Variants in RXYLT1 observed in about 807,000 individuals in gnomAD.
The protein encoded by RXYLT1 is ribitol-5-phosphate xylosyltransferase 1.
RXYLT1 carries 41 observed loss-of-function variants against 43.5 expected under a neutral mutation model. The observed-to-expected ratio is 0.94, with a 90% CI of 0.73 to 1.22. The LOEUF (loss-of-function observed/expected upper bound fraction) is 1.22, where lower values mean the gene tolerates loss of function less well. Among genes scored for constraint, RXYLT1 ranks in the 50% most tolerant of loss-of-function variants. The pLI is 0.00. For missense variants in RXYLT1, 514 were observed against 532.0 expected, an observed-to-expected ratio of 0.97 and a Z score of 0.33; for synonymous variants, 166 against 194.4, an observed-to-expected ratio of 0.85 and a Z score of 1.21.
chr12:63,793,124 G>T (rs1047015517), intron 3 of RXYLT1, among the ~76,000 whole-genome samples: 9 of 151,902 alleles, frequency 5.9e-5, no homozygotes, highest in African/African-American at 1.9e-4. Context: ...CTATGCTTTG[G>T]GTCTAGACTT....
intron 3 of RXYLT1, among the ~76,000 whole-genome samples, chr12:63,786,635 A>G (rs187222456): frequency 2.6e-5 from 4 of 152,176 alleles, no homozygotes; most frequent in Admixed American, 6.5e-5. Context: ...GTTGATGTCT[A>G]ATCAGTGTAT....
At chr12:63,802,044 G>T (rs758617528) in intron 3 of RXYLT1, 47 bp from the exon 4 acceptor site, 5 of 1,502,180 alleles carry the variant, frequency 3.3e-6, no homozygotes, top group Non-Finnish European at 3.6e-6. Flanking sequence ...ACATACCTTT[G>T]TTCAGGCTTT....
Position 63,781,186 on chromosome 12 carries a change from C to A in RXYLT1, c.325+12C>A, listed in dbSNP as rs1440661955. ...CAAAGCTGCCATTGGTAAGTTAATA[C>A]GTAGAAGGAAGACATGTAAAAAGCA... is the stretch of plus-strand genomic sequence containing the variant. On this transcript the variant is annotated intron_variant, in intron 2 of 5. Coordinates refer to ENST00000261234, the MANE Select transcript of RXYLT1 (RefSeq NM_014254.3). 6.7e-7 allele frequency: 1 copy of A among 1,482,792 alleles called. No individual in the cohort carries two copies. The highest frequency in any genetic ancestry group is 1.4e-5 in the African/African-American group (1 of 69,106). 91.9% of individuals were successfully genotyped at this position (1,482,792 alleles called of 1,614,324 possible).
intron 3 of RXYLT1, among the ~76,000 whole-genome samples, chr12:63,788,582 C>T (rs931243933): frequency 9.2e-5 from 14 of 152,208 alleles, no homozygotes; most frequent in Non-Finnish European, 4.4e-5. Context: ...CCTCTGGCAA[C>T]GTCAGACTTT....
At chr12:63,792,664 C>A (rs1385906674) in intron 3 of RXYLT1, among the ~76,000 whole-genome samples, 2 of 152,136 alleles carry the variant, frequency 1.3e-5, no homozygotes, top group Admixed American at 1.3e-4. Context: ...GAAGTGGTTG[C>A]TGTGTTCCAG....
At chr12:63,787,911 T>A (rs1897842305) in intron 3 of RXYLT1, among the ~76,000 whole-genome samples, 1 of 152,214 alleles carries the variant, frequency 6.6e-6, no homozygotes, top group Non-Finnish European at 1.5e-5. Flanking sequence ...ATTACGGGCG[T>A]GAGCCATCGT....
chr12:63,780,630 C>CTA, intron 1 of RXYLT1, among the ~76,000 whole-genome samples: 1 of 152,304 alleles, frequency 6.6e-6, no homozygotes. Context: ...ACGATAGTAT[C>CTA]TAAGACTGGT....
intron 5 of RXYLT1, chr12:63,807,498 C>T (rs1232291156): frequency 6.6e-6 from 1 of 152,206 alleles, no homozygotes; most frequent in African/African-American, 2.4e-5. Context: ...ACTCTAACAC[C>T]TCCGCCTTTC....
At chr12:63,796,968 T>TC (rs1167790988) in intron 3 of RXYLT1, among the ~76,000 whole-genome samples, 14 of 147,032 alleles carry the variant, frequency 9.5e-5, no homozygotes, top group South Asian at 2.1e-4. Context: ...TTTTTCTTTT[T>TC]TTTTTTTTTT....
chr12:63,801,275 T>TA (rs1462762978), intron 3 of RXYLT1, among the ~76,000 whole-genome samples: 27 of 152,324 alleles, frequency 1.8e-4, no homozygotes, highest in African/African-American at 6.0e-4. Context: ...ATTTTTGAGA[T>TA]ATAACATTCA....
At chr12:63,783,385 C>T (rs1238102445) in intron 2 of RXYLT1, among the ~76,000 whole-genome samples, 3 of 151,930 alleles carry the variant, frequency 2.0e-5, no homozygotes, top group East Asian at 1.9e-4. Context: ...TGCTTGAACC[C>T]GGGAGGTGGA....
rs1189739054 is a variant in RXYLT1 at position 63,795,219 on chromosome 12, G to A, written c.429-6872G>A. On this transcript the variant is annotated intron_variant, in intron 3 of 5. Transcript: ENST00000261234. ...AGCTTGAGCCTGGGAGGTCAAGGCT[G>A]CAAGTGAGCTGTGATCACGTGACTG... Among the ~76,000 whole-genome samples, 6 of 152,092 alleles carry A rather than the reference G, an allele frequency of 3.9e-5. No individual in the cohort carries two copies. In the East Asian group the frequency reaches 5.8e-4, roughly 15 times the overall value.
At position 63,780,075 on chromosome 12, in the gene RXYLT1, TCCCCGCGGGGCCTCAGGAAGGGGGCGGC is replaced by T. The variant is rs748590408; in HGVS notation, c.123_150del (p.Leu43ArgfsTer37). 25 of 1,597,808 alleles carry T rather than the reference TCCCCGCGGGGCCTCAGGAAGGGGGCGGC, an allele frequency of 1.6e-5. No homozygotes were observed. The highest frequency in any genetic ancestry group is 2.1e-5 in the Non-Finnish European group (25 of 1,175,306). On this transcript the variant is annotated frameshift_variant, in exon 1 of 6. Coordinates refer to ENST00000261234, the MANE Select transcript of RXYLT1 (RefSeq NM_014254.3). LOFTEE classifies it high-confidence loss of function. ...GCGCCGCCGCCAGGCGCCGGCCGGG[TCCCCGCGGGGCCTCAGGAAGGGGGCGGC>T]CCCCGCGCGGGAGAGACGCGGCCGA... is the stretch of plus-strand genomic sequence containing the variant.
At chr12:63,789,752 G>A (rs1179962033) in intron 3 of RXYLT1, among the ~76,000 whole-genome samples, 1 of 152,064 alleles carries the variant, frequency 6.6e-6, no homozygotes, top group African/African-American at 2.4e-5. Context: ...TAAAGTGTTA[G>A]GTTCATGAAA....
intron 2 of RXYLT1, among the ~76,000 whole-genome samples, chr12:63,781,853 A>G (rs1287239863): frequency 6.6e-6 from 1 of 152,206 alleles, no homozygotes; most frequent in East Asian, 1.9e-4. Flanking sequence ...ACAATAAGGC[A>G]TATGGATAGA....
intron 3 of RXYLT1, among the ~76,000 whole-genome samples, chr12:63,788,687 G>A (rs1336454883): frequency 6.6e-6 from 1 of 152,166 alleles, no homozygotes; most frequent in Non-Finnish European, 1.5e-5. Context: ...GGAATGTTGT[G>A]GCTGGTTTGA....
At chr12:63,804,986 A>G in intron 4 of RXYLT1, 2 of 367,324 alleles carry the variant, frequency 5.4e-6, no homozygotes, top group Non-Finnish European at 9.6e-6. Flanking sequence ...AAGAATGTCA[A>G]AAACAAATAA....
chr12:63,805,393 A>G lies in RXYLT1; in HGVS notation c.903A>G (p.Ser301=), dbSNP rs780521170. 5.6e-6 allele frequency: 9 copies of G among 1,603,226 alleles called. No homozygotes were observed. Among genetic ancestry groups the G allele is most frequent in the Non-Finnish European group, 7.7e-6 (9 of 1,176,364 alleles). ...KDGNDKLCWV[S]AREHWQPQET... ...GGAACGATAAGCTTTGTTGGGTTTC[A>G]GCAAGAGAACAGTAAGTTCTATGCT... Residue 301 remains serine (S), a synonymous_variant, in exon 5 of 6, where the codon TCA becomes TCG. Coordinates refer to ENST00000261234, the MANE Select transcript of RXYLT1 (RefSeq NM_014254.3).
At chr12:63,803,886 C>G (rs1898223268) in intron 4 of RXYLT1, 1 of 143,678 alleles carries the variant, frequency 7.0e-6, no homozygotes, top group South Asian at 2.2e-4. Flanking sequence ...CGAAGTCTTG[C>G]TCTGTCACCC....
Sources: gnomAD v4.1 joint callset for allele counts (sites outside exome capture counted in the v4.1 genomes callset) on GRCh38, gnomAD v4.1.1 for gene constraint, MANE v1.5 for transcripts, NCBI Gene and HGNC (gene_info 2026-07-23, HGNC 2026-07-21) for gene names.